OPCML: variants seen among roughly 807,000 people sequenced by gnomAD.
The protein encoded by OPCML is opioid binding protein/cell adhesion molecule like.
In OPCML, 13 loss-of-function variants were observed where a neutral mutation model predicts 37.8. That is an observed-to-expected ratio of 0.34 (90% CI 0.22 to 0.55). OPCML has a LOEUF of 0.55. Ranked by LOEUF, OPCML falls within the 20% of genes least tolerant of loss-of-function variation. OPCML has a pLI of 0.91. For missense variants in OPCML, 341 were observed against 435.6 expected, an observed-to-expected ratio of 0.78 and a Z score of 1.93; for synonymous variants, 176 against 168.8, an observed-to-expected ratio of 1.04 and a Z score of -0.33.
intron 1 of OPCML, among the ~76,000 whole-genome samples, chr11:133,194,297 G>A (rs184486767): frequency 2.7e-4 from 38 of 140,154 alleles, no homozygotes; most frequent in African/African-American, 8.8e-4. Context: ...TGCAACCTCC[G>A]CCTCCCAGGC....
At chr11:133,464,927 C>T (rs1325882821) in intron 1 of OPCML, among the ~76,000 whole-genome samples, 1 of 152,126 alleles carries the variant, frequency 6.6e-6, no homozygotes, top group African/African-American at 2.4e-5. Context: ...CAGCTCTGAG[C>T]AGTGGCTGCA....
chr11:132,887,832 C>T (rs1338029017), intron 2 of OPCML, among the ~76,000 whole-genome samples: 3 of 152,206 alleles, frequency 2.0e-5, no homozygotes, highest in African/African-American at 7.2e-5. Flanking sequence ...CTACGCTTAG[C>T]TTTCTATCTT....
chr11:133,341,790 C>T (rs1030160554), intron 1 of OPCML, among the ~76,000 whole-genome samples: 1 of 152,052 alleles, frequency 6.6e-6, no homozygotes, highest in Non-Finnish European at 1.5e-5. Context: ...TTAGTGGTGG[C>T]ACCTGTAATC....
At chr11:132,444,090 G>C in intron 4 of OPCML, among the ~76,000 whole-genome samples, 1 of 152,166 alleles carries the variant, frequency 6.6e-6, no homozygotes, top group East Asian at 1.9e-4. Context: ...GCAGAGTCTG[G>C]GGTAAGGAGG....
chr11:132,551,349 C>T (rs927753789), intron 3 of OPCML, among the ~76,000 whole-genome samples: 2 of 152,180 alleles, frequency 1.3e-5, no homozygotes, highest in South Asian at 2.1e-4. Flanking sequence ...TTGTTCATGC[C>T]TGGGCATAGG....
chr11:133,021,861 G>A lies in OPCML; in HGVS notation c.62-78851C>T, dbSNP rs78860630. Among the ~76,000 whole-genome samples, 352 of 152,310 alleles carry A rather than the reference G, an allele frequency of 2.3e-3. 1 individual carries two copies. The highest frequency in any genetic ancestry group is 3.9e-3 in the Non-Finnish European group (267 of 68,032). On this transcript the variant is annotated intron_variant, in intron 1 of 7. Transcript: ENST00000524381. ...TTTAAGCTCCACTTGCCTGTGACAC[G>A]GCAGTGTGCTGAGCCCCGTGCTACA...
rs181763981 is a variant in OPCML, at chr11:133,280,411, G to A, written c.61+251853C>T. Among the ~76,000 whole-genome samples, 934 of 152,270 alleles carry A rather than the reference G, an allele frequency of 6.1e-3. 14 individuals carry two copies. Among genetic ancestry groups the A allele is most frequent in the African/African-American group, 0.021 (890 of 41,548 alleles). On this transcript the variant is annotated intron_variant, in intron 1 of 7. Transcript: ENST00000524381. ...TGGCAGGGGAGAAAGTGGTTTGAAT[G>A]AACTAACAGATCTTCTGTCACCTCA... is the stretch of plus-strand genomic sequence containing the variant.
intron 1 of OPCML, among the ~76,000 whole-genome samples, chr11:132,996,380 G>A (rs1419346387): frequency 6.6e-6 from 1 of 151,756 alleles, no homozygotes; most frequent in Non-Finnish European, 1.5e-5. Context: ...AGCACTTTGG[G>A]GGACCGAGAT....
At chr11:132,695,703 T>G (rs961448129) in intron 2 of OPCML, among the ~76,000 whole-genome samples, 1 of 152,186 alleles carries the variant, frequency 6.6e-6, no homozygotes, top group Non-Finnish European at 1.5e-5. Flanking sequence ...ATTGGCGATT[T>G]CTTCTTCCTG....
intron 1 of OPCML, among the ~76,000 whole-genome samples, chr11:133,145,396 A>C (rs1193933092): frequency 6.6e-6 from 1 of 152,178 alleles, no homozygotes; most frequent in Non-Finnish European, 1.5e-5. Flanking sequence ...GCAAGACAGA[A>C]CCTCTTAAAG....
intron 1 of OPCML, among the ~76,000 whole-genome samples, chr11:133,267,892 G>T (rs1299882293): frequency 6.6e-6 from 1 of 152,104 alleles, no homozygotes; most frequent in Non-Finnish European, 1.5e-5. Context: ...TGGTTGGGAG[G>T]CCTCCCCAGC....
At chr11:133,489,727 C>T (rs1415534132) in intron 1 of OPCML, among the ~76,000 whole-genome samples, 1 of 151,788 alleles carries the variant, frequency 6.6e-6, no homozygotes, top group Admixed American at 6.6e-5. Context: ...AAAAAGATAC[C>T]CACACTCATA....
chr11:133,451,714 G>A lies in OPCML; in HGVS notation c.61+80550C>T, dbSNP rs181834971. On this transcript the variant is annotated intron_variant, in intron 1 of 7. Transcript: ENST00000524381. ...AAAAATTCGCTGGGTGTGGTGGCGG[G>A]TGCCTGTAATCTCAGCTACTTGGAG... 4.5e-3 allele frequency among the ~76,000 whole-genome samples: 663 copies of A among 148,510 alleles called. 30 individuals carry two copies. The highest frequency in any genetic ancestry group is 0.016 in the African/African-American group (623 of 38,068).
intron 2 of OPCML, among the ~76,000 whole-genome samples, chr11:132,912,323 T>C (rs1391134198): frequency 6.6e-6 from 1 of 152,202 alleles, no homozygotes; most frequent in Admixed American, 6.5e-5. Flanking sequence ...CCAAGATAGT[T>C]TTGAATGATT....
chr11:132,598,855 A>G (rs976919748), intron 3 of OPCML, among the ~76,000 whole-genome samples: 3 of 152,274 alleles, frequency 2.0e-5, no homozygotes, highest in African/African-American at 7.2e-5. Flanking sequence ...ACTGAAGCTA[A>G]CCTTTTAAAA....
At chr11:133,351,495 TG>T (rs1228913655) in intron 1 of OPCML, among the ~76,000 whole-genome samples, 4 of 151,406 alleles carry the variant, frequency 2.6e-5, no homozygotes, top group African/African-American at 9.7e-5. Context: ...TTTACTTGCT[TG>T]TTAATTGTTA....
chr11:132,880,599 TA>T (rs1310795946), intron 2 of OPCML, among the ~76,000 whole-genome samples: 1 of 152,186 alleles, frequency 6.6e-6, no homozygotes, highest in Non-Finnish European at 1.5e-5. Context: ...AAAACATTGT[TA>T]GGCCATTTTA....
chr11:132,650,521 A>G (rs1406554750), intron 3 of OPCML, among the ~76,000 whole-genome samples: 1 of 152,186 alleles, frequency 6.6e-6, no homozygotes, highest in Admixed American at 6.5e-5. Flanking sequence ...CTGCACTAAT[A>G]TACAGAATTT....
chr11:132,942,130 T>C (rs1945599739), intron 2 of OPCML, among the ~76,000 whole-genome samples: 2 of 152,226 alleles, frequency 1.3e-5, no homozygotes, highest in African/African-American at 4.8e-5. Context: ...TGATATCTGC[T>C]GAGCTGGTGG....
Sources: allele counts gnomAD v4.1 joint callset (sites outside exome capture counted in the v4.1 genomes callset), GRCh38; gene constraint gnomAD v4.1.1; transcripts MANE v1.5; gene names NCBI Gene and HGNC (gene_info 2026-07-23, HGNC 2026-07-21).